PTPRN2: variants seen among roughly 807,000 people sequenced by gnomAD.
PTPRN2 encodes receptor-type tyrosine-protein phosphatase N2.
PTPRN2 carries 74 observed loss-of-function variants against 118.8 expected under a neutral mutation model. That is an observed-to-expected ratio of 0.62 (90% CI 0.52 to 0.76). The LOEUF is 0.76. PTPRN2 is among the 30% of genes least tolerant of loss of function. The pLI is 0.00. For missense variants in PTPRN2, 1,481 were observed against 1,394.4 expected, an observed-to-expected ratio of 1.06 and a Z score of -0.99; for synonymous variants, 641 against 608.0, an observed-to-expected ratio of 1.05 and a Z score of -0.80.
intron 12 of PTPRN2, among the ~76,000 whole-genome samples, chr7:157,734,767 G>C (rs558664440): frequency 1.3e-5 from 2 of 152,294 alleles, no homozygotes; most frequent in East Asian, 1.9e-4. Context: ...GAACTGTAAG[G>C]GTCCTGGGGA....
At chr7:157,757,297 C>A (rs1801845375) in intron 12 of PTPRN2, among the ~76,000 whole-genome samples, 1 of 151,724 alleles carries the variant, frequency 6.6e-6, no homozygotes, top group Non-Finnish European at 1.5e-5. Context: ...AAGTGGCCCA[C>A]GGAGGAGGAG....
At chr7:158,330,076 G>C (rs1290024733) in intron 2 of PTPRN2, among the ~76,000 whole-genome samples, 1 of 147,310 alleles carries the variant, frequency 6.8e-6, no homozygotes, top group South Asian at 2.2e-4. Flanking sequence ...CACCATAAGA[G>C]CTGACACCTG....
chr7:158,070,014 T>G (rs1811081885), intron 11 of PTPRN2, among the ~76,000 whole-genome samples: 1 of 152,232 alleles, frequency 6.6e-6, no homozygotes, highest in South Asian at 2.1e-4. Context: ...GAACTCAAGT[T>G]CTAAACTCCA....
chr7:158,129,995 C>G (rs1159583667), intron 9 of PTPRN2, among the ~76,000 whole-genome samples: 1 of 152,216 alleles, frequency 6.6e-6, no homozygotes. Context: ...GTGTAAGCTT[C>G]AAGTTTCTGC....
At position 158,167,062 on chromosome 7, in the gene PTPRN2, T is replaced by A. The variant is rs1486443649; in HGVS notation, c.779A>T (p.Glu260Val). 6.3e-7 allele frequency: 1 copy of A among 1,586,456 alleles called. No individual in the cohort carries two copies. The highest frequency in any genetic ancestry group is 1.8e-5 in the Admixed American group (1 of 55,874). ...AAGGTACTGTGGCTCCAGGCTGCCC[T>A]CCCCGGGGGGAGCTGGGGGCCTCTG... ...AAQRPPAPPG[E>V]GSLEPQYLLR... The change falls in exon 6 of 23, where the codon GAG (glutamate) becomes GTG (valine). Residue 260 changes from glutamate to valine, a missense_variant. Transcript: ENST00000389418.
chr7:158,587,643 C>A lies in PTPRN2; in HGVS notation c.27G>T (p.Leu9=). The A allele has an allele frequency of 7.3e-7, 1 of 1,368,686 alleles. No individual in the cohort carries two copies. The allele number at this position is 1,368,686 out of a possible 1,614,324, so 84.8% of individuals were successfully genotyped here. ...GTGGCGGCAGCAGCAGCAGTAGCAG[C>A]AGCAGCAGCGGGAGCGGCGGCCCCA... MGPPLPLL[L]LLLLLLPPRV... The change falls in exon 1 of 23, where the codon CTG becomes CTT. Residue 9 remains leucine, a synonymous_variant. Coordinates refer to ENST00000389418, the MANE Select transcript of PTPRN2 (RefSeq NM_002847.5).
intron 2 of PTPRN2, among the ~76,000 whole-genome samples, chr7:158,374,387 C>T (rs1439023015): frequency 6.6e-6 from 1 of 152,160 alleles, no homozygotes; most frequent in African/African-American, 2.4e-5. Context: ...CACACACTCA[C>T]TCGCTCCTGT....
chr7:157,817,864 T>C (rs1218718931), intron 12 of PTPRN2, among the ~76,000 whole-genome samples: 1 of 151,820 alleles, frequency 6.6e-6, no homozygotes, highest in African/African-American at 2.4e-5. Flanking sequence ...GTGTGTGTGG[T>C]GAGTGCACAT....
intron 5 of PTPRN2, among the ~76,000 whole-genome samples, chr7:158,189,756 G>A (rs544459483): frequency 2.6e-5 from 4 of 152,330 alleles, no homozygotes; most frequent in South Asian, 2.1e-4. Context: ...GTGACGTCAC[G>A]GCGCCGTTAC....
At position 158,525,497 on chromosome 7, in the gene PTPRN2, G is replaced by T. The variant is rs1824705078; in HGVS notation, c.113-35712C>A. Among the ~76,000 whole-genome samples, 2 of 152,162 alleles carry T rather than the reference G, an allele frequency of 1.3e-5. No homozygotes were observed. The highest frequency in any genetic ancestry group is 2.9e-5 in the Non-Finnish European group (2 of 68,038). On this transcript the variant is annotated intron_variant, in intron 1 of 22. Coordinates refer to ENST00000389418, the MANE Select transcript of PTPRN2 (RefSeq NM_002847.5). This position sits in a 1 kb window ranked among gnomAD's most constrained non-coding sequence, Gnocchi z 4.1. ...CCCCTCGCTCTACAGCTGGACACAGGCTCTGCAGAAATCCTGAGCTGGGGC... is the reference window on the plus strand; with the variant it reads ...CCCCTCGCTCTACAGCTGGACACAGTCTCTGCAGAAATCCTGAGCTGGGGC...
chr7:158,356,050 A>G (rs1306094230), intron 2 of PTPRN2, among the ~76,000 whole-genome samples: 1 of 152,224 alleles, frequency 6.6e-6, no homozygotes, highest in African/African-American at 2.4e-5. Flanking sequence ...TTTTTTCACA[A>G]TGAGTTTTCA....
intron 11 of PTPRN2, among the ~76,000 whole-genome samples, chr7:158,012,406 G>A (rs1806115798): frequency 1.3e-5 from 2 of 152,192 alleles, no homozygotes; most frequent in African/African-American, 4.8e-5. Context: ...TGTTTAGTAA[G>A]CCACAGAAGA....
intron 12 of PTPRN2, among the ~76,000 whole-genome samples, chr7:157,786,773 CG>C (rs971713088): frequency 2.6e-5 from 4 of 152,268 alleles, no homozygotes; most frequent in African/African-American, 9.6e-5. Context: ...TTTAAAAACG[CG>C]TAAGACTCAC....
At chr7:157,557,003 G>A (rs1316966366) in intron 21 of PTPRN2, among the ~76,000 whole-genome samples, 6 of 147,546 alleles carry the variant, frequency 4.1e-5, no homozygotes, top group East Asian at 2.1e-4. Flanking sequence ...ATATGCACAT[G>A]CATGCACACA....
chr7:158,314,794 G>A (rs550085564), intron 3 of PTPRN2, among the ~76,000 whole-genome samples: 1 of 152,284 alleles, frequency 6.6e-6, no homozygotes, highest in African/African-American at 2.4e-5. Flanking sequence ...CCCAAAAGCA[G>A]ACACGTGTAG....
intron 14 of PTPRN2, among the ~76,000 whole-genome samples, chr7:157,642,638 C>T (rs1563292733): frequency 6.6e-6 from 1 of 152,062 alleles, no homozygotes. Flanking sequence ...ACTTTATGCA[C>T]CAGCTTCAAG....
At chr7:157,866,831 C>CCG (rs1458508562) in intron 12 of PTPRN2, among the ~76,000 whole-genome samples, 3 of 92,332 alleles carry the variant, frequency 3.2e-5, no homozygotes, top group African/African-American at 1.2e-4. Flanking sequence ...GCCACCACCG[C>CCG]CCCCCCCCGA....
chr7:157,889,515 CCTT>C (rs1280284161), intron 12 of PTPRN2, among the ~76,000 whole-genome samples: 1 of 152,226 alleles, frequency 6.6e-6, no homozygotes, highest in East Asian at 1.9e-4. Context: ...ACAGGGAGGG[CCTT>C]CATGTCCTCA....
chr7:157,996,562 G>A (rs1257153479), intron 11 of PTPRN2, among the ~76,000 whole-genome samples: 1 of 152,194 alleles, frequency 6.6e-6, no homozygotes, highest in Non-Finnish European at 1.5e-5. Context: ...GCACATGGGG[G>A]CTCCCACCAC....
Sources: gnomAD v4.1 joint callset for allele counts (sites outside exome capture counted in the v4.1 genomes callset) on GRCh38, gnomAD v4.1.1 for gene constraint, Gnocchi (gnomAD v3.1) non-coding constraint, MANE v1.5 for transcripts, NCBI Gene and HGNC (gene_info 2026-07-23, HGNC 2026-07-21) for gene names.